Variants in LRFN5 observed in about 807,000 individuals in gnomAD.
LRFN5 encodes leucine-rich repeat and fibronectin type-III domain-containing protein 5.
A neutral mutation model predicts 45.6 loss-of-function variants in LRFN5; 24 were observed. That is an observed-to-expected ratio of 0.53 (90% CI 0.38 to 0.74). The LOEUF is 0.74. Among genes scored for constraint, LRFN5 ranks in the 30% least tolerant of loss-of-function variants. The probability of loss-of-function intolerance (pLI) is 0.00; values close to 1 mark genes in which losing one functional copy is unlikely to be tolerated. For synonymous variants in LRFN5, 340 were observed against 313.8 expected, an observed-to-expected ratio of 1.08 and a Z score of -0.88; for missense variants, 776 against 861.5, an observed-to-expected ratio of 0.90 and a Z score of 1.24.
At chr14:41,874,563 T>G (rs189353182) in intron 2 of LRFN5, among the ~76,000 whole-genome samples, 3 of 152,290 alleles carry the variant, frequency 2.0e-5, no homozygotes, top group Admixed American at 1.3e-4. Flanking sequence ...CTTTCTTGGG[T>G]CCTTTCTCCT....
At chr14:41,874,469 G>A (rs960053001) in intron 2 of LRFN5, among the ~76,000 whole-genome samples, 1 of 152,184 alleles carries the variant, frequency 6.6e-6, no homozygotes, top group African/African-American at 2.4e-5. Flanking sequence ...AATATACTCT[G>A]TAACTGAAAG....
At chr14:41,709,294 C>A (rs1883191355) in intron 1 of LRFN5, among the ~76,000 whole-genome samples, 1 of 151,906 alleles carries the variant, frequency 6.6e-6, no homozygotes, top group Admixed American at 6.6e-5. Context: ...TTGGTTGTTT[C>A]CTAATTTCTT....
At chr14:41,720,566 T>G (rs931693890) in intron 1 of LRFN5, among the ~76,000 whole-genome samples, 3 of 152,176 alleles carry the variant, frequency 2.0e-5, no homozygotes, top group African/African-American at 7.2e-5. Flanking sequence ...ATCTCCTATA[T>G]TTTGGTTTGT....
intron 5 of LRFN5, among the ~76,000 whole-genome samples, chr14:41,901,954 A>G (rs1429546778): frequency 6.6e-6 from 1 of 152,042 alleles, no homozygotes; most frequent in East Asian, 1.9e-4. Flanking sequence ...TTTAACATAT[A>G]TATTTGAACA....
chr14:41,635,985 T>C (rs928156102), intron 1 of LRFN5, among the ~76,000 whole-genome samples: 7 of 152,098 alleles, frequency 4.6e-5, no homozygotes, highest in Non-Finnish European at 8.8e-5. Context: ...CTGTTTGGGG[T>C]CTATTTCATT....
At chr14:41,866,351 C>T (rs1052704691) in intron 2 of LRFN5, among the ~76,000 whole-genome samples, 1 of 152,096 alleles carries the variant, frequency 6.6e-6, no homozygotes, top group South Asian at 2.1e-4. Flanking sequence ...TTCTCATCTT[C>T]TGTAGGCTCA....
chr14:41,673,616 A>AG (rs1881373963), intron 1 of LRFN5, among the ~76,000 whole-genome samples: 4 of 93,100 alleles, frequency 4.3e-5, no homozygotes, highest in East Asian at 3.7e-4. Context: ...CTGGCCGGGC[A>AG]GGGGACTGAC....
chr14:41,636,280 A>C (rs181780349), intron 1 of LRFN5, among the ~76,000 whole-genome samples: 91 of 152,334 alleles, frequency 6.0e-4, no homozygotes, highest in African/African-American at 2.1e-3. Flanking sequence ...ATGGACATAA[A>C]CATATGGCTC....
intron 1 of LRFN5, among the ~76,000 whole-genome samples, chr14:41,646,494 G>A (rs1257863403): frequency 1.3e-5 from 2 of 152,016 alleles, no homozygotes; most frequent in Admixed American, 6.6e-5. Context: ...GAAGTCTCAG[G>A]GACACAGACC....
intron 1 of LRFN5, among the ~76,000 whole-genome samples, chr14:41,681,960 A>G (rs1158613581): frequency 6.6e-6 from 1 of 151,820 alleles, no homozygotes; most frequent in Non-Finnish European, 1.5e-5. Context: ...CTGGGATTAC[A>G]GGCGTGCGCC....
At chr14:41,845,268 A>G (rs1889020907) in intron 2 of LRFN5, among the ~76,000 whole-genome samples, 1 of 152,170 alleles carries the variant, frequency 6.6e-6, no homozygotes, top group Non-Finnish European at 1.5e-5. Context: ...CAGAATACAT[A>G]TTGGAAAAGG....
At chr14:41,661,598 T>C (rs1003681441) in intron 1 of LRFN5, among the ~76,000 whole-genome samples, 2 of 152,064 alleles carry the variant, frequency 1.3e-5, no homozygotes, top group African/African-American at 2.4e-5. Context: ...ATACTCATAG[T>C]CCTTATGACT....
intron 1 of LRFN5, among the ~76,000 whole-genome samples, chr14:41,674,450 G>C (rs1194597618): frequency 1.4e-5 from 2 of 141,236 alleles, no homozygotes; most frequent in Non-Finnish European, 3.1e-5. Context: ...CAGTAGGGGC[G>C]GCCGGGCAGA....
chr14:41,822,569 A>G (rs80209491), intron 2 of LRFN5, among the ~76,000 whole-genome samples: 1,873 of 152,094 alleles, frequency 0.012, 36 homozygotes, highest in African/African-American at 0.042. Context: ...GGCTGAATAT[A>G]TGGTCTATTT....
chr14:41,661,802 G>A (rs1409587830), intron 1 of LRFN5, among the ~76,000 whole-genome samples: 1 of 152,008 alleles, frequency 6.6e-6, no homozygotes, highest in Non-Finnish European at 1.5e-5. Context: ...GCACCTTTGA[G>A]AGTAATTTGT....
chr14:41,826,368 A>G (rs139665907), intron 2 of LRFN5, among the ~76,000 whole-genome samples: 3 of 152,292 alleles, frequency 2.0e-5, no homozygotes, highest in African/African-American at 7.2e-5. Flanking sequence ...AATGTCATCT[A>G]TGCCTTTCTT....
At chr14:41,837,930 G>T (rs1888719157) in intron 2 of LRFN5, among the ~76,000 whole-genome samples, 1 of 152,154 alleles carries the variant, frequency 6.6e-6, no homozygotes, top group South Asian at 2.1e-4. Flanking sequence ...GGAATTGTGT[G>T]TGCTTTTGCT....
intron 1 of LRFN5, among the ~76,000 whole-genome samples, chr14:41,682,300 G>A (rs189064412): frequency 3.1e-4 from 47 of 151,788 alleles, no homozygotes; most frequent in African/African-American, 1.1e-3. Context: ...TCAAGACATA[G>A]ACAGTATAAT....
At chr14:41,685,731 C>T (rs572523051) in intron 1 of LRFN5, among the ~76,000 whole-genome samples, 1 of 152,220 alleles carries the variant, frequency 6.6e-6, no homozygotes, top group Admixed American at 6.5e-5. Context: ...GGGCTTTTCC[C>T]CATTGCTTGT....
Sources: allele counts gnomAD v4.1 joint callset (sites outside exome capture counted in the v4.1 genomes callset), GRCh38; gene constraint gnomAD v4.1.1; transcripts MANE v1.5; gene names NCBI Gene and HGNC (gene_info 2026-07-23, HGNC 2026-07-21).